Variants in TENM4 observed in about 807,000 individuals in gnomAD.
TENM4 encodes the protein teneurin transmembrane protein 4, also known as teneurin-4.
TENM4 carries 82 observed loss-of-function variants against 243.3 expected under a neutral mutation model. The ratio of observed to expected loss-of-function variants is 0.34; its 90% confidence interval spans 0.28 to 0.40. TENM4 has a LOEUF of 0.40. Ranked by LOEUF, TENM4 falls within the 10% of genes least tolerant of loss-of-function variation. The pLI, the probability that TENM4 is intolerant of heterozygous loss-of-function variation, is 1.00. For missense variants in TENM4, 3,138 were observed against 3,673.3 expected (o/e 0.85, Z 3.77); for synonymous variants, 1,412 against 1,456.3 (o/e 0.97, Z 0.69).
chr11:78,657,842 A>G lies in TENM4; in HGVS notation c.*216T>C. 1 of 667,622 alleles carries G rather than the reference A, an allele frequency of 1.5e-6. No individual in the cohort carries two copies. Among genetic ancestry groups the G allele is most frequent in the Non-Finnish European group, 2.6e-6 (1 of 390,568 alleles). 41.4% of individuals were successfully genotyped at this position (667,622 alleles called of 1,614,324 possible). ...AAAGTTTTCATTGTGATCACACTAC[A>G]GAAAAAAATACCTTCTGTTCTTTGC... On this transcript the variant is annotated 3_prime_UTR_variant, in exon 34 of 34. Coordinates refer to ENST00000278550, the MANE Select transcript of TENM4 (RefSeq NM_001098816.3).
At chr11:79,437,540 C>T in intron 1 of TENM4, among the ~76,000 whole-genome samples, 1 of 152,302 alleles carries the variant, frequency 6.6e-6, no homozygotes, top group East Asian at 1.9e-4. Flanking sequence ...CCCGCTGGTT[C>T]GCACCGCTGC....
At chr11:78,725,197 T>C (rs1401944492) in intron 23 of TENM4, among the ~76,000 whole-genome samples, 2 of 152,246 alleles carry the variant, frequency 1.3e-5, no homozygotes, top group Non-Finnish European at 2.9e-5. Context: ...GATAGCTTAA[T>C]ATCTGGTGAG....
In TENM4 at chr11:78,658,435, C is replaced by T. The variant is rs76975254; in HGVS notation, c.7933G>A (p.Val2645Ile). 3,060 of 1,613,906 alleles carry T rather than the reference C, an allele frequency of 1.9e-3. 63 individuals are homozygous for T. In the African/African-American group the frequency reaches 0.036, roughly 19 times the overall value. The change falls in exon 34 of 34, where the codon GTC (valine) becomes ATC (isoleucine). Residue 2645 changes from valine to isoleucine, a missense_variant. Val to Ile is a conservative substitution (Grantham distance 29). Transcript: ENST00000278550. ...SGGRRTLENG[V>I]NVTVSQINTV... ...TTGATCTGGGACACAGTGACGTTGA[C>T]CCCATTCTCCAGGGTTCGCCGCCCC...
At chr11:79,378,538 C>T (rs554390206) in intron 1 of TENM4, among the ~76,000 whole-genome samples, 18 of 152,206 alleles carry the variant, frequency 1.2e-4, no homozygotes, top group Non-Finnish European at 2.1e-4. Flanking sequence ...CTCTGAACCA[C>T]TTCCACACTC....
chr11:79,207,738 C>A (rs1022102977), intron 3 of TENM4, among the ~76,000 whole-genome samples: 4 of 151,756 alleles, frequency 2.6e-5, no homozygotes, highest in African/African-American at 9.7e-5. Context: ...TGGTGGCATG[C>A]ACCTGTAGTC....
chr11:79,413,240 A>G (rs1485604745), intron 1 of TENM4, among the ~76,000 whole-genome samples: 1 of 152,238 alleles, frequency 6.6e-6, no homozygotes, highest in African/African-American at 2.4e-5. Context: ...TAGGATTCCC[A>G]AATCTCCCAG....
intron 2 of TENM4, among the ~76,000 whole-genome samples, chr11:79,224,494 T>G (rs565822508): frequency 1.6e-4 from 24 of 152,208 alleles, no homozygotes; most frequent in African/African-American, 5.3e-4. Flanking sequence ...ATGTGGGTGT[T>G]ATGGGTTGAA....
At chr11:78,884,412 C>A (rs1212263399) in intron 9 of TENM4, among the ~76,000 whole-genome samples, 2 of 152,012 alleles carry the variant, frequency 1.3e-5, no homozygotes, top group East Asian at 3.9e-4. Flanking sequence ...AGTGATACAG[C>A]CAGGGTCTGA....
At chr11:78,923,312 G>A (rs564303475) in intron 6 of TENM4, among the ~76,000 whole-genome samples, 4 of 152,066 alleles carry the variant, frequency 2.6e-5, no homozygotes, top group Non-Finnish European at 4.4e-5. Context: ...TCCTGGATAC[G>A]ATGAAAGACT....
intron 6 of TENM4, among the ~76,000 whole-genome samples, chr11:78,918,040 G>A (rs1315598330): frequency 6.6e-6 from 1 of 152,194 alleles, no homozygotes; most frequent in African/African-American, 2.4e-5. Context: ...GGGAGAGAAT[G>A]TGTTCATGCT....
intron 6 of TENM4, among the ~76,000 whole-genome samples, chr11:78,919,295 T>C (rs982748456): frequency 6.6e-6 from 1 of 152,134 alleles, no homozygotes; most frequent in Admixed American, 6.5e-5. Flanking sequence ...GGTAGACTGG[T>C]CCAAAATAAC....
At chr11:78,956,990 C>T (rs546489577) in intron 6 of TENM4, among the ~76,000 whole-genome samples, 134 of 152,232 alleles carry the variant, frequency 8.8e-4, no homozygotes, top group Non-Finnish European at 1.6e-3. Context: ...AAATTAAATA[C>T]CAATTTTAAA....
chr11:79,310,553 CAGA>C (rs1856702308), intron 1 of TENM4, among the ~76,000 whole-genome samples: 1 of 152,126 alleles, frequency 6.6e-6, no homozygotes, highest in Non-Finnish European at 1.5e-5. Flanking sequence ...CACCCATGGC[CAGA>C]AGAAGAGAAG....
At chr11:79,318,817 C>T (rs1856843425) in intron 1 of TENM4, among the ~76,000 whole-genome samples, 1 of 152,124 alleles carries the variant, frequency 6.6e-6, no homozygotes, top group South Asian at 2.1e-4. Context: ...GAAAAATTAA[C>T]ACTTGGTTCT....
chr11:79,411,272 C>T (rs899194203), intron 1 of TENM4, among the ~76,000 whole-genome samples: 10 of 152,170 alleles, frequency 6.6e-5, no homozygotes, highest in Admixed American at 4.6e-4. Flanking sequence ...GTCCTAAAAG[C>T]CTGCTGAGAT....
At chr11:79,089,357 C>G (rs180761689) in intron 4 of TENM4, among the ~76,000 whole-genome samples, 1 of 152,158 alleles carries the variant, frequency 6.6e-6, no homozygotes, top group Admixed American at 6.5e-5. Context: ...TCCCATTCCA[C>G]GAGCGCAAGG....
intron 6 of TENM4, among the ~76,000 whole-genome samples, chr11:78,904,057 C>T (rs914909814): frequency 1.3e-5 from 2 of 151,920 alleles, no homozygotes; most frequent in African/African-American, 4.8e-5. Context: ...CGAAACAAAC[C>T]AAGTTTTTAA....
intron 6 of TENM4, 174 bp downstream of exon 6, chr11:79,064,564 T>C (rs978898156): frequency 2.0e-5 from 16 of 810,828 alleles, no homozygotes; most frequent in Non-Finnish European, 1.9e-5. Context: ...ATGTCACTCA[T>C]GGGTGGGCAT....
At position 79,064,785 on chromosome 11, in the gene TENM4, T is replaced by A. The variant is rs1591254368; in HGVS notation, c.446A>T (p.Asn149Ile). 4 of 1,551,664 alleles carry A rather than the reference T, an allele frequency of 2.6e-6. No homozygotes were observed. The highest frequency in any genetic ancestry group is 3.5e-6 in the Non-Finnish European group (4 of 1,146,996). ...GRSSCLSSRANSNLTLTDTEH... is the reference protein window; with the variant it reads ...GRSSCLSSRAISNLTLTDTEH... Reference sequence around the variant, plus strand: ...GGTGTCGGTGAGTGTGAGATTGGAATTGGCCCGGCTGGACAGGCAGGAGCT... The same window carrying A: ...GGTGTCGGTGAGTGTGAGATTGGAAATGGCCCGGCTGGACAGGCAGGAGCT... The change falls in exon 6 of 34, where the codon AAT (asparagine) becomes ATT (isoleucine). Residue 149 changes from asparagine to isoleucine, a missense_variant. By Grantham distance (149) the Asn-to-Ile change is moderately radical (BLOSUM62 -3). Coordinates refer to ENST00000278550, the MANE Select transcript of TENM4 (RefSeq NM_001098816.3).
Sources: allele counts gnomAD v4.1 joint callset (sites outside exome capture counted in the v4.1 genomes callset), GRCh38; gene constraint gnomAD v4.1.1; transcripts MANE v1.5; gene names NCBI Gene and HGNC (gene_info 2026-07-23, HGNC 2026-07-21).